LRRC7: variants seen among roughly 807,000 people sequenced by gnomAD.
The protein encoded by LRRC7 is leucine-rich repeat-containing protein 7.
Under a neutral mutation model 175.7 loss-of-function variants are expected in LRRC7, and 23 were observed. The ratio of observed to expected loss-of-function variants is 0.13; its 90% CI spans 0.09 to 0.19. LRRC7 has a LOEUF of 0.19. Among genes scored for constraint, LRRC7 ranks in the 10% least tolerant of loss-of-function variants. LRRC7 has a pLI of 1.00. For missense variants in LRRC7, 1,354 were observed against 1,904.7 expected (o/e 0.71, Z 5.38); for synonymous variants, 685 against 680.9 (o/e 1.01, Z -0.09).
chr1:69,688,853 G>A (rs966571701), intron 2 of LRRC7, among the ~76,000 whole-genome samples: 3 of 152,006 alleles, frequency 2.0e-5, no homozygotes, highest in Non-Finnish European at 4.4e-5. Flanking sequence ...TTGCTATTTG[G>A]CTTAGCATAA....
intron 10 of LRRC7, among the ~76,000 whole-genome samples, chr1:69,986,709 G>A (rs551347951): frequency 6.6e-6 from 1 of 152,198 alleles, no homozygotes; most frequent in Non-Finnish European, 1.5e-5. Context: ...AATCATGTAT[G>A]TATCCTTATA....
rs35799015 is a variant in LRRC7 at position 69,753,296 on chromosome 1, ATGTG to A, written c.101-6869_101-6866del. On this transcript the variant is annotated intron_variant, in intron 2 of 26. Transcript: ENST00000651989. ...ATAAATCATTGTCGTGTGTGTGTGT[ATGTG>A]TGTGTGTGTGTGTGTGTGTGTGTGT... 9.0e-3 allele frequency among the ~76,000 whole-genome samples: 1,312 copies of A among 146,324 alleles called. 21 individuals carry two copies. Among genetic ancestry groups the A allele is most frequent in the African/African-American group, 0.032 (1,238 of 38,744 alleles).
intron 2 of LRRC7, among the ~76,000 whole-genome samples, chr1:69,690,611 C>T (rs1661737310): frequency 6.6e-6 from 1 of 152,148 alleles, no homozygotes; most frequent in Non-Finnish European, 1.5e-5. Context: ...TGATGCCTCT[C>T]CTCCTCTTCT....
intron 4 of LRRC7, among the ~76,000 whole-genome samples, chr1:69,807,615 A>C (rs973020992): frequency 6.6e-5 from 10 of 152,012 alleles, no homozygotes; most frequent in African/African-American, 2.4e-4. Flanking sequence ...AAGAATGTTG[A>C]ATATTGCCCC....
At chr1:69,965,017 G>A (rs1038610071) in intron 8 of LRRC7, among the ~76,000 whole-genome samples, 11 of 152,180 alleles carry the variant, frequency 7.2e-5, no homozygotes, top group Admixed American at 1.3e-4. Context: ...AAAGATTTGA[G>A]GATAGTCCTG....
chr1:69,662,784 A>G (rs1020108757), intron 1 of LRRC7, among the ~76,000 whole-genome samples: 44 of 152,344 alleles, frequency 2.9e-4, no homozygotes, highest in African/African-American at 1.0e-3. Context: ...ATCAATGGCT[A>G]TTGAAACCTT....
At chr1:69,795,794 TCCA>T (rs1352938855) in intron 4 of LRRC7, among the ~76,000 whole-genome samples, 1 of 152,122 alleles carries the variant, frequency 6.6e-6, no homozygotes, top group African/African-American at 2.4e-5. Context: ...GTCATCCTGA[TCCA>T]CCATTTTTCC....
chr1:69,740,536 T>G (rs1668596966), intron 2 of LRRC7, among the ~76,000 whole-genome samples: 1 of 152,090 alleles, frequency 6.6e-6, no homozygotes, highest in Non-Finnish European at 1.5e-5. Context: ...GGGACTCCAG[T>G]ACAGCCAAGT....
In LRRC7 at chr1:69,986,455, T is replaced by C. The variant is rs115193694; in HGVS notation, c.931+69T>C. ...CCATTTTCTTTTTTGGAAGTATAGT[T>C]TGTCTATAGATATAGGTAATATACT... On this transcript the variant is annotated intron_variant, in intron 10 of 26. Coordinates refer to ENST00000651989, the MANE Select transcript of LRRC7 (RefSeq NM_001370785.2). The C allele has an allele frequency of 2.4e-3, 3,294 of 1,387,046 alleles. 57 individuals are homozygous for C. The African/African-American group carries it at 0.039, about 17-fold the overall frequency. The allele number at this position is 1,387,046 out of a possible 1,614,324, so 85.9% of individuals were successfully genotyped here.
intron 2 of LRRC7, among the ~76,000 whole-genome samples, chr1:69,695,446 C>A (rs1004514179): frequency 1.3e-5 from 2 of 152,180 alleles, no homozygotes; most frequent in Non-Finnish European, 2.9e-5. Context: ...TTAGAAAATT[C>A]ACAGCCTGGC....
At chr1:70,111,515 A>G (rs1415406602) in intron 26 of LRRC7, among the ~76,000 whole-genome samples, 1 of 152,208 alleles carries the variant, frequency 6.6e-6, no homozygotes, top group Non-Finnish European at 1.5e-5. Context: ...AGAATAAGCC[A>G]TGTGAATTTG....
chr1:69,612,395 T>C (rs1405720209), intron 1 of LRRC7, among the ~76,000 whole-genome samples: 1 of 152,034 alleles, frequency 6.6e-6, no homozygotes, highest in African/African-American at 2.4e-5. Context: ...AATACTTGAA[T>C]GCTGATGAAT....
chr1:69,888,483 G>T (rs1040476949), intron 7 of LRRC7, among the ~76,000 whole-genome samples: 1 of 152,176 alleles, frequency 6.6e-6, no homozygotes, highest in Non-Finnish European at 1.5e-5. Flanking sequence ...GCTCGCGCAC[G>T]GTGCGCGCAC....
At chr1:69,866,841 T>A (rs1164892431) in intron 7 of LRRC7, among the ~76,000 whole-genome samples, 1 of 152,208 alleles carries the variant, frequency 6.6e-6, no homozygotes, top group Non-Finnish European at 1.5e-5. Context: ...TTATCACTGC[T>A]TGTGATTTTA....
At chr1:70,104,279 G>A (rs1664998740) in intron 25 of LRRC7, among the ~76,000 whole-genome samples, 1 of 152,098 alleles carries the variant, frequency 6.6e-6, no homozygotes, top group Non-Finnish European at 1.5e-5. Flanking sequence ...TCAAAGCAGG[G>A]TCAACATTTT....
At chr1:69,579,096 G>C (rs947058204) in intron 1 of LRRC7, among the ~76,000 whole-genome samples, 6 of 151,990 alleles carry the variant, frequency 3.9e-5, no homozygotes, top group Admixed American at 3.9e-4. Context: ...TAGTTCAGAA[G>C]ATAGAAACTT....
At chr1:69,788,029 C>G (rs1306312621) in intron 3 of LRRC7, among the ~76,000 whole-genome samples, 1 of 151,892 alleles carries the variant, frequency 6.6e-6, no homozygotes, top group Non-Finnish European at 1.5e-5. Context: ...TTTCACTCTT[C>G]ACTCAAAGCC....
chr1:70,008,822 A>C (rs1656223118), intron 11 of LRRC7, among the ~76,000 whole-genome samples: 1 of 152,170 alleles, frequency 6.6e-6, no homozygotes. Flanking sequence ...TGTGTGAGCC[A>C]AATAACAGAA....
At chr1:70,083,016 C>T (rs932022813) in intron 24 of LRRC7, among the ~76,000 whole-genome samples, 11 of 151,826 alleles carry the variant, frequency 7.2e-5, no homozygotes, top group Admixed American at 3.9e-4. Flanking sequence ...AACTCCTGGG[C>T]TCAAGTGATC....
Sources: gnomAD v4.1 joint callset for allele counts (sites outside exome capture counted in the v4.1 genomes callset) on GRCh38, gnomAD v4.1.1 for gene constraint, MANE v1.5 for transcripts, NCBI Gene and HGNC (gene_info 2026-07-23, HGNC 2026-07-21) for gene names.